Variants in PALM2AKAP2 observed in about 807,000 individuals in gnomAD.
PALM2AKAP2 encodes the protein PALM2 and AKAP2 fusion, also known as PALM2-AKAP2 fusion protein.
In PALM2AKAP2, 37 loss-of-function variants were observed where a neutral mutation model predicts 71.5. The observed-to-expected ratio is 0.52, with a 90% CI of 0.40 to 0.68. The LOEUF (loss-of-function observed/expected upper bound fraction) is 0.68. Ranked by LOEUF, PALM2AKAP2 falls within the 30% of genes least tolerant of loss-of-function variation. The probability of loss-of-function intolerance (pLI) is 0.00; values close to 1 mark genes in which losing one functional copy is unlikely to be tolerated. For synonymous variants in PALM2AKAP2, 468 were observed against 478.8 expected (o/e 0.98, Z 0.29); for missense variants, 1,224 against 1,191.8 (o/e 1.03, Z -0.40).
intron 6 of PALM2AKAP2, among the ~76,000 whole-genome samples, chr9:109,955,519 A>G (rs540426043): frequency 6.6e-6 from 1 of 152,212 alleles, no homozygotes; most frequent in Admixed American, 6.5e-5. Flanking sequence ...AGCAAAAATA[A>G]CAAGAGGCAC....
chr9:110,034,181 G>A (rs1299287650), intron 7 of PALM2AKAP2, among the ~76,000 whole-genome samples: 1 of 151,914 alleles, frequency 6.6e-6, no homozygotes, highest in Non-Finnish European at 1.5e-5. Flanking sequence ...TTTTGAGATG[G>A]AGTTTCACTC....
intron 1 of PALM2AKAP2, among the ~76,000 whole-genome samples, chr9:109,655,348 G>A (rs560670056): frequency 6.6e-6 from 1 of 151,366 alleles, no homozygotes; most frequent in African/African-American, 2.4e-5. Context: ...TAGGCCCTCT[G>A]GGTGACAAGG....
intron 1 of PALM2AKAP2, among the ~76,000 whole-genome samples, chr9:109,656,445 A>C (rs2132237315): frequency 6.6e-6 from 1 of 152,326 alleles, no homozygotes; most frequent in South Asian, 2.1e-4. Context: ...TTGAAAACAC[A>C]TTACTAGGTC....
chr9:109,820,939 A>G (rs966716383), intron 1 of PALM2AKAP2, among the ~76,000 whole-genome samples: 1 of 152,220 alleles, frequency 6.6e-6, no homozygotes, highest in Admixed American at 6.5e-5. Context: ...CATTTACTTT[A>G]GAGTCTACTG....
intron 1 of PALM2AKAP2, among the ~76,000 whole-genome samples, chr9:109,650,051 G>C (rs950541965): frequency 6.6e-6 from 1 of 152,176 alleles, no homozygotes; most frequent in Non-Finnish European, 1.5e-5. Context: ...CTTGCCTTGA[G>C]ATGATTCCTC....
chr9:109,904,522 G>A (rs1411319933), intron 3 of PALM2AKAP2, among the ~76,000 whole-genome samples: 6 of 152,126 alleles, frequency 3.9e-5, no homozygotes, highest in Non-Finnish European at 7.3e-5. Context: ...GTCTCATACC[G>A]AGATGCCTGT....
intron 3 of PALM2AKAP2, among the ~76,000 whole-genome samples, chr9:109,908,221 G>A (rs72753089): frequency 0.15 from 23,398 of 152,234 alleles, 2,261 homozygotes; most frequent in East Asian, 0.25. Context: ...AAGGGGTGGA[G>A]TGACAGGAGC....
chr9:109,707,492 G>C (rs1158081269), intron 1 of PALM2AKAP2, among the ~76,000 whole-genome samples: 2 of 152,150 alleles, frequency 1.3e-5, no homozygotes, highest in African/African-American at 4.8e-5. Context: ...AGCCAACTTG[G>C]TTTCCAGGGA....
intron 7 of PALM2AKAP2, chr9:110,025,329 G>C (rs748391878): frequency 8.4e-6 from 10 of 1,190,582 alleles, no homozygotes; most frequent in Admixed American, 6.7e-5. Context: ...TATGTCGGGA[G>C]CCTCTCCTCT....
intron 1 of PALM2AKAP2, among the ~76,000 whole-genome samples, chr9:110,120,948 C>G (rs905616704): frequency 3.3e-5 from 5 of 152,002 alleles, no homozygotes. Context: ...ATATTTCTAA[C>G]AGGAATAAAT....
chr9:109,960,127 C>T (rs1162276685), intron 6 of PALM2AKAP2, among the ~76,000 whole-genome samples: 1 of 152,218 alleles, frequency 6.6e-6, no homozygotes, highest in African/African-American at 2.4e-5. Flanking sequence ...CTGGCCCTCA[C>T]TGGCCATTTT....
chr9:109,660,230 G>A (rs915677237), intron 1 of PALM2AKAP2, among the ~76,000 whole-genome samples: 1 of 152,134 alleles, frequency 6.6e-6, no homozygotes, highest in African/African-American at 2.4e-5. Flanking sequence ...AAGTTCTAGG[G>A]TACATGTGCA....
chr9:110,123,297 C>T (rs1835530131), intron 1 of PALM2AKAP2, among the ~76,000 whole-genome samples: 1 of 152,194 alleles, frequency 6.6e-6, no homozygotes, highest in Admixed American at 6.5e-5. Flanking sequence ...ACAAAATCCT[C>T]AGCAGAGTTG....
At chr9:110,122,199 T>C (rs1021002828) in intron 1 of PALM2AKAP2, among the ~76,000 whole-genome samples, 2 of 152,134 alleles carry the variant, frequency 1.3e-5, no homozygotes, top group African/African-American at 4.8e-5. Flanking sequence ...CTGGCTACTT[T>C]TCAAATTTTG....
rs138925864 is a variant in PALM2AKAP2 at position 109,714,233 on chromosome 9, T to C, written c.6-66255T>C. Among the ~76,000 whole-genome samples the C allele has an allele frequency of 4.9e-3, 751 of 152,332 alleles. 15 individuals are homozygous for C. In the East Asian group the frequency reaches 0.056, roughly 11 times the overall value. ...CTGAGATCCTCCCAACCTTAGAGAA[T>C]ATTGTGCTCCTATTCCTCCTTAATT... On this transcript the variant is annotated intron_variant, in intron 1 of 6. Transcript: ENST00000374531.
intron 1 of PALM2AKAP2, among the ~76,000 whole-genome samples, chr9:109,758,080 A>T (rs553500057): frequency 6.6e-6 from 1 of 152,080 alleles, no homozygotes; most frequent in Non-Finnish European, 1.5e-5. Flanking sequence ...ATACAGCCAT[A>T]CATTCTCCAA....
At chr9:109,844,296 CAG>C (rs1828790200) in intron 1 of PALM2AKAP2, among the ~76,000 whole-genome samples, 1 of 152,128 alleles carries the variant, frequency 6.6e-6, no homozygotes, top group Non-Finnish European at 1.5e-5. Context: ...TGAGAAATCT[CAG>C]AGTCTCATTG....
At chr9:110,048,750 T>G (rs1267356304) in exon 1 of PALM2AKAP2, 1 of 1,368,436 alleles carries the variant, frequency 7.3e-7, no homozygotes, top group Non-Finnish European at 9.8e-7. Context: ...CGGAGTCTCC[T>G]GGACCCCCGG....
intron 3 of PALM2AKAP2, among the ~76,000 whole-genome samples, chr9:109,898,007 C>T (rs953122173): frequency 2.6e-5 from 4 of 152,174 alleles, no homozygotes; most frequent in African/African-American, 9.7e-5. Context: ...TAGGTAATTA[C>T]ATTAACAAAC....
Sources: allele counts gnomAD v4.1 joint callset (sites outside exome capture counted in the v4.1 genomes callset), GRCh38; gene constraint gnomAD v4.1.1; transcripts MANE v1.5; gene names NCBI Gene and HGNC (gene_info 2026-07-23, HGNC 2026-07-21).